DBNL: variants seen among roughly 807,000 people sequenced by gnomAD.
The protein encoded by DBNL is drebrin like, also known as drebrin-like protein.
A neutral mutation model predicts 62.2 loss-of-function variants in DBNL; 35 were observed. The ratio of observed to expected loss-of-function variants is 0.56; its 90% CI spans 0.43 to 0.75. The LOEUF (loss-of-function observed/expected upper bound fraction) is 0.75, where lower values mean the gene tolerates loss of function less well. DBNL is among the 30% of genes least tolerant of loss of function. The pLI is 0.00. For synonymous variants in DBNL, 197 were observed against 218.0 expected (o/e 0.90, Z 0.85); for missense variants, 495 against 578.4 (o/e 0.86, Z 1.48).
At chr7:44,048,078 A>G (rs7793702) in intron 1 of DBNL, among the ~76,000 whole-genome samples, 45,076 of 151,890 alleles carry the variant, frequency 0.3, 7,289 homozygotes, top group African/African-American at 0.43. Flanking sequence ...CACCACACCC[A>G]GCTAATTTTG....
chr7:44,045,389 C>G (rs1286222212), intron 1 of DBNL, among the ~76,000 whole-genome samples: 1 of 152,182 alleles, frequency 6.6e-6, no homozygotes, highest in Non-Finnish European at 1.5e-5. Flanking sequence ...TTTCGTTTCT[C>G]CAAAAAGTGT....
chr7:44,047,174 T>G (rs2128788703), intron 1 of DBNL, among the ~76,000 whole-genome samples: 1 of 152,350 alleles, frequency 6.6e-6, no homozygotes, highest in African/African-American at 2.4e-5. Context: ...CTGGAAATCC[T>G]TATGGATTTT....
Position 44,064,797 on chromosome 7 carries a change from A to AGCCCCCGCAACAGAAGGTGGG in DBNL, c.*3881_*3882insGCCCCCGCAACAGAAGGTGGG. 1.6e-6 allele frequency: 1 copy of AGCCCCCGCAACAGAAGGTGGG among 633,308 alleles called. No individual in the cohort carries two copies. Among genetic ancestry groups the AGCCCCCGCAACAGAAGGTGGG allele is most frequent in the Non-Finnish European group, 2.8e-6 (1 of 361,386 alleles). 39.2% of individuals were successfully genotyped at this position (633,308 alleles called of 1,614,324 possible). On this transcript the variant is annotated 3_prime_UTR_variant, in exon 13 of 13. Coordinates refer to ENST00000448521, the MANE Select transcript of DBNL (RefSeq NM_001014436.3). ...GAGAAGCCAGCTGGGGCTGCTGCCCACCCACCCTGCCCAGGCTCCTGAAGG... is the reference window on the plus strand; with the variant it reads ...GAGAAGCCAGCTGGGGCTGCTGCCCAGCCCCCGCAACAGAAGGTGGGCCCACCCTGCCCAGGCTCCTGAAGG...
chr7:44,059,918 A>C lies in DBNL; in HGVS notation c.1048-130A>C. 1.1e-6 allele frequency: 1 copy of C among 915,876 alleles called. No individual in the cohort carries two copies. The highest frequency in any genetic ancestry group is 1.7e-6 in the Non-Finnish European group (1 of 590,600). The allele number at this position is 915,876 out of a possible 1,614,324, so 56.7% of individuals were successfully genotyped here. A position where few individuals can be genotyped will look rare whatever the true frequency, so the allele number is the denominator to read the frequency against. On this transcript the variant is annotated intron_variant, in intron 11 of 12. Transcript: ENST00000448521. This position sits in a 1 kb window ranked among gnomAD's most constrained non-coding sequence, Gnocchi z 4.1. Reference sequence around the variant, plus strand: ...ACTCTGGTAGGGCGGGGACAGCAGCAGCCCAGCCCCCGAGCCTGTAGACTG... The same window carrying C: ...ACTCTGGTAGGGCGGGGACAGCAGCCGCCCAGCCCCCGAGCCTGTAGACTG...
rs144503344 is a variant in DBNL at position 44,045,970 on chromosome 7, G to A, written c.83+1150G>A. Among the ~76,000 whole-genome samples, 575 of 152,326 alleles carry A rather than the reference G, an allele frequency of 3.8e-3. 2 individuals carry two copies. The highest frequency in any genetic ancestry group is 0.013 in the African/African-American group (546 of 41,568). ...GGAGGCATCTAAAGAAGGATATCTC[G>A]TCATTTCCTTGGTGGGGTTTTCTGC... is the stretch of plus-strand genomic sequence containing the variant. On this transcript the variant is annotated intron_variant, in intron 1 of 12. Transcript: ENST00000448521.
In DBNL at chr7:44,064,032, A is replaced by T. The variant is rs62458755; in HGVS notation, c.*3116A>T. On this transcript the variant is annotated 3_prime_UTR_variant, in exon 13 of 13. Transcript: ENST00000448521. ...TCTGGGTGCTCTGGCCAACTGCCCA[A>T]CGGCCCTAGGAGCAGGAGGTCTGGG... 44,732 of 152,556 alleles carry T rather than the reference A, an allele frequency of 0.29. 7,186 individuals carry two copies. Among genetic ancestry groups the T allele is most frequent in the African/African-American group, 0.42 (17,544 of 41,520 alleles). 9.5% of individuals were successfully genotyped at this position (152,556 alleles called of 1,614,324 possible).
chr7:44,044,912 G>A (rs112769503), intron 1 of DBNL, 92 bp downstream of exon 1: 1 of 1,280,610 alleles, frequency 7.8e-7, no homozygotes, highest in Admixed American at 3.8e-5. Context: ...GAGCGGGAGC[G>A]CGAGCGCGGA....
In DBNL at chr7:44,059,996, G is replaced by C; in HGVS notation, c.1048-52G>C. The C allele has an allele frequency of 6.4e-7, 1 of 1,562,278 alleles. No individual in the cohort carries two copies. The highest frequency in any genetic ancestry group is 1.1e-5 in the South Asian group (1 of 88,182). On this transcript the variant is annotated intron_variant, in intron 11 of 12. Transcript: ENST00000448521. The surrounding 1 kb of genome is among the most constrained non-coding windows in gnomAD (Gnocchi z 4.1). ...CCTGAGCCATGTGGGGCAGAGCAGC[G>C]ATTGTGTGTAAGGGCTGAGTCTGGG... is the stretch of plus-strand genomic sequence containing the variant.
chr7:44,060,619 G>T lies in DBNL; in HGVS notation c.1154-158G>T, dbSNP rs2096146900. ...GAGCCGCATTGGGACAGGGTGCAGTGTTGGCCAAGGCTTAGCAGGGTGGCA... is the reference window on the plus strand; with the variant it reads ...GAGCCGCATTGGGACAGGGTGCAGTTTTGGCCAAGGCTTAGCAGGGTGGCA... On this transcript the variant is annotated intron_variant, in intron 12 of 12. Coordinates refer to ENST00000448521, the MANE Select transcript of DBNL (RefSeq NM_001014436.3). This position sits in a 1 kb window ranked among gnomAD's most constrained non-coding sequence, Gnocchi z 6.3. 6.6e-6 allele frequency among the ~76,000 whole-genome samples: 1 copy of T among 152,160 alleles called. No homozygotes were observed. Among genetic ancestry groups the T allele is most frequent in the African/African-American group, 2.4e-5 (1 of 41,434 alleles).
At chr7:44,047,668 G>A (rs1253574497) in intron 1 of DBNL, among the ~76,000 whole-genome samples, 1 of 152,152 alleles carries the variant, frequency 6.6e-6, no homozygotes, top group Non-Finnish European at 1.5e-5. Context: ...TATTTTCAAA[G>A]GCACTATTGA....
chr7:44,051,484 C>T, intron 2 of DBNL: 1 of 200,734 alleles, frequency 5.0e-6, no homozygotes, highest in Non-Finnish European at 1.0e-5. Flanking sequence ...TAGCCATCCT[C>T]CATTTGGAAG....
intron 7 of DBNL, 47 bp downstream of exon 7, chr7:44,058,327 T>C (rs1263008064): frequency 3.1e-6 from 5 of 1,592,048 alleles, no homozygotes; most frequent in Admixed American, 1.7e-5. Context: ...CCTGAGGCAT[T>C]GCTGGGCACC....
intron 4 of DBNL, among the ~76,000 whole-genome samples, chr7:44,054,262 G>A (rs182851657): frequency 5.9e-5 from 9 of 152,114 alleles, no homozygotes; most frequent in Non-Finnish European, 1.0e-4. Context: ...GCACGATCTC[G>A]GCTCACTGCA....
intron 5 of DBNL, 49 bp from the exon 6 acceptor site, chr7:44,057,733 C>G: frequency 6.2e-7 from 1 of 1,609,624 alleles, no homozygotes; most frequent in Non-Finnish European, 8.5e-7. Context: ...GCCTGTGGGC[C>G]TGGCCTTCCA....
chr7:44,050,370 A>C, intron 2 of DBNL, 90 bp downstream of exon 2: 2 of 1,422,252 alleles, frequency 1.4e-6, no homozygotes, highest in Non-Finnish European at 9.9e-7. Flanking sequence ...TGGTCCACTG[A>C]GCCACATGGG....
At chr7:44,055,119 TG>T (rs1158282092) in intron 4 of DBNL, among the ~76,000 whole-genome samples, 1 of 152,242 alleles carries the variant, frequency 6.6e-6, no homozygotes, top group African/African-American at 2.4e-5. Context: ...GCAGCTGGAT[TG>T]CTAGATCATA....
rs2096158623 is a variant in DBNL, at chr7:44,065,618, C to T, written c.*4702C>T. On this transcript the variant is annotated 3_prime_UTR_variant, in exon 13 of 13. Transcript: ENST00000448521. ...TATAATAGTGTCTTCCCAGCCCCCA[C>T]CCACCCCAGCCAACTGCCAATCAGC... 1 of 1,284,678 alleles carries T rather than the reference C, an allele frequency of 7.8e-7. No individual in the cohort carries two copies. Among genetic ancestry groups the T allele is most frequent in the Admixed American group, 1.7e-5 (1 of 57,494 alleles). The allele number at this position is 1,284,678 out of a possible 1,614,324, so 79.6% of individuals were successfully genotyped here.
At chr7:44,044,862 CAG>C in intron 1 of DBNL, 42 bp downstream of exon 1, 1 of 1,387,134 alleles carries the variant, frequency 7.2e-7, no homozygotes, top group Non-Finnish European at 9.4e-7. Flanking sequence ...GGGGCTGCCT[CAG>C]GGGTGGGTCT....
At chr7:44,054,560 C>G (rs559037011) in intron 4 of DBNL, among the ~76,000 whole-genome samples, 3 of 152,192 alleles carry the variant, frequency 2.0e-5, no homozygotes, top group Non-Finnish European at 4.4e-5. Context: ...ATTTTGATAC[C>G]TGTATACAAT....
Sources: allele counts gnomAD v4.1 joint callset (sites outside exome capture counted in the v4.1 genomes callset), GRCh38; gene constraint gnomAD v4.1.1; non-coding constraint Gnocchi (gnomAD v3.1); transcripts MANE v1.5; gene names NCBI Gene and HGNC (gene_info 2026-07-23, HGNC 2026-07-21).